Variants in CROCC2 observed in about 807,000 individuals in gnomAD.
CROCC2 encodes ciliary rootlet coiled-coil, rootletin family member 2.
In CROCC2, 163 loss-of-function variants were observed where a neutral mutation model predicts 177.6. That is an observed-to-expected ratio of 0.92 (90% confidence interval 0.81 to 1.05). The LOEUF (loss-of-function observed/expected upper bound fraction) is 1.05. Among genes scored for constraint, CROCC2 ranks in the 50% least tolerant of loss-of-function variants. The probability of loss-of-function intolerance (pLI) is 0.00; values close to 1 mark genes in which losing one functional copy is unlikely to be tolerated. For missense variants in CROCC2, 1,929 were observed against 1,797.8 expected (o/e 1.07, Z -1.32); for synonymous variants, 904 against 787.3 (o/e 1.15, Z -2.48).
rs193097516 is a variant in CROCC2 at position 240,967,855 on chromosome 2, G to A, written c.4268-274G>A. The stretch of plus-strand genomic sequence containing the variant: ...TCTCCCCGGGCAGGCCCTGCCCCTC[G>A]TCACCCCCTCAGAGAGGCCCCTTCC... On this transcript the variant is annotated intron_variant, in intron 26 of 31. Transcript: ENST00000690015. Among the ~76,000 whole-genome samples the A allele has an allele frequency of 4.0e-5, 6 of 148,156 alleles. No individual in the cohort carries two copies. The East Asian group carries it at 6.0e-4, about 15-fold the overall frequency.
intron 1 of CROCC2, among the ~76,000 whole-genome samples, chr2:240,910,528 C>T (rs539625033): frequency 6.6e-6 from 1 of 152,294 alleles, no homozygotes; most frequent in Non-Finnish European, 1.5e-5. Context: ...AACCAGCTGT[C>T]CCTCTTTGCT....
intron 27 of CROCC2, among the ~76,000 whole-genome samples, chr2:240,975,908 T>C (rs1413311420): frequency 6.6e-6 from 1 of 151,896 alleles, no homozygotes; most frequent in Non-Finnish European, 1.5e-5. Flanking sequence ...TTTTTGTATT[T>C]TTAGTAGGAC....
chr2:240,957,919 C>T (rs2059603778), intron 19 of CROCC2: 1 of 961,888 alleles, frequency 1.0e-6, no homozygotes, highest in South Asian at 4.8e-5. Flanking sequence ...CCCAGGAAAG[C>T]CCTCCTGGGG....
chr2:240,961,228 G>A (rs183537721), intron 20 of CROCC2, among the ~76,000 whole-genome samples: 36 of 152,266 alleles, frequency 2.4e-4, no homozygotes, highest in South Asian at 1.2e-3. Context: ...AGGTCCACAC[G>A]TGTGCACACA....
Position 240,918,183 on chromosome 2 carries a change from GAGA to G in CROCC2, c.79-540_79-538del, listed in dbSNP as rs1299076563. Among the ~76,000 whole-genome samples, 2 of 152,202 alleles carry G rather than the reference GAGA, an allele frequency of 1.3e-5. No homozygotes were observed. The highest frequency in any genetic ancestry group is 2.9e-5 in the Non-Finnish European group (2 of 68,026). ...TGGAGGGGCAGTGGGCAGCTGAGCA[GAGA>G]AGGATGGGTTCAGCCTCAGCCCTCT... On this transcript the variant is annotated intron_variant, in intron 1 of 31. Coordinates refer to ENST00000690015, the MANE Select transcript of CROCC2 (RefSeq NM_001351305.2). This position sits in a 1 kb window ranked among gnomAD's most constrained non-coding sequence, Gnocchi z 6.3.
chr2:240,930,421 C>T (rs889021472), intron 6 of CROCC2, among the ~76,000 whole-genome samples, 152 bp downstream of exon 6: 2 of 152,182 alleles, frequency 1.3e-5, no homozygotes, highest in African/African-American at 4.8e-5. Flanking sequence ...GGCTGGGCCT[C>T]AGGCCGGCCA....
intron 1 of CROCC2, among the ~76,000 whole-genome samples, chr2:240,906,798 C>T (rs1273528978): frequency 6.6e-6 from 1 of 152,216 alleles, no homozygotes; most frequent in Non-Finnish European, 1.5e-5. Flanking sequence ...CAGCCTTCAG[C>T]CAGGAGAGAG....
chr2:240,928,745 T>G (rs150680393), intron 5 of CROCC2, among the ~76,000 whole-genome samples: 1 of 138,286 alleles, frequency 7.2e-6, no homozygotes, highest in Admixed American at 7.1e-5. Flanking sequence ...TGCAGACAGG[T>G]GTAACGGGCT....
intron 2 of CROCC2, among the ~76,000 whole-genome samples, chr2:240,919,149 C>T (rs2059341624): frequency 7.0e-6 from 1 of 143,140 alleles, no homozygotes; most frequent in Non-Finnish European, 1.5e-5. Context: ...GGGGGACAGT[C>T]CTGGGCCTGC....
intron 5 of CROCC2, among the ~76,000 whole-genome samples, chr2:240,929,077 AGAGG>A (rs565611459): frequency 4.9e-4 from 74 of 152,130 alleles, no homozygotes; most frequent in African/African-American, 1.7e-3. Flanking sequence ...GAATGGACAC[AGAGG>A]GATGTGTTCT....
intron 1 of CROCC2, among the ~76,000 whole-genome samples, chr2:240,912,822 G>A (rs2059296809): frequency 6.6e-6 from 1 of 152,182 alleles, no homozygotes; most frequent in Non-Finnish European, 1.5e-5. Context: ...GGCTATCCAG[G>A]GGCCCTGGCC....
At chr2:240,947,596 G>A (rs528858496) in intron 15 of CROCC2, among the ~76,000 whole-genome samples, 6 of 152,366 alleles carry the variant, frequency 3.9e-5, no homozygotes, top group East Asian at 1.9e-4. Flanking sequence ...GCCAGAGAGC[G>A]TGGAAGCTGC....
At position 240,930,948 on chromosome 2, in the gene CROCC2, A is replaced by G. The variant is rs1293499694; in HGVS notation, c.767A>G (p.Gln256Arg). Residue 256 changes from glutamine to arginine, a missense_variant, in exon 7 of 32, where the codon CAG becomes CGG. Physicochemically the swap from Gln to Arg is conservative, Grantham distance 43 (BLOSUM62 1). This residue lies in a region of CROCC2 where 1,397 missense variants were observed against 1,239.9 expected (regional missense o/e 1.13). Transcript: ENST00000690015. ...TCTCCCAGGGGCCTCGCTGACCTGC[A>G]GGCAGACACGGCCAGGACAGCCCGC... The part of the protein sequence containing the change: ...VATERGLADL[Q>R]ADTARTARRL... 1.4e-6 allele frequency: 1 copy of G among 713,522 alleles called. No individual in the cohort carries two copies. The highest frequency in any genetic ancestry group is 2.6e-6 in the Non-Finnish European group (1 of 383,660). 44.2% of individuals were successfully genotyped at this position (713,522 alleles called of 1,614,324 possible).
At chr2:240,961,320 G>A (rs1468878473) in intron 20 of CROCC2, among the ~76,000 whole-genome samples, 1 of 152,088 alleles carries the variant, frequency 6.6e-6, no homozygotes, top group African/African-American at 2.4e-5. Context: ...CATGCTGAAT[G>A]CAGACACACA....
chr2:240,958,514 T>C lies in CROCC2; in HGVS notation c.2944-787T>C, dbSNP rs2059608140. On this transcript the variant is annotated intron_variant, in intron 19 of 31. Coordinates refer to ENST00000690015, the MANE Select transcript of CROCC2 (RefSeq NM_001351305.2). This position sits in a 1 kb window ranked among gnomAD's most constrained non-coding sequence, Gnocchi z 6.7. Reference sequence around the variant, plus strand: ...CAGAGATCTGGCACAGGGGCAGCCATGTGGGCACCTGTGCCCCCAGGAACA... The same window carrying C: ...CAGAGATCTGGCACAGGGGCAGCCACGTGGGCACCTGTGCCCCCAGGAACA... The C allele has an allele frequency of 2.1e-6, 2 of 970,190 alleles. No homozygotes were observed. Among genetic ancestry groups the C allele is most frequent in the African/African-American group, 1.8e-5 (1 of 56,966 alleles). 60.1% of individuals were successfully genotyped at this position (970,190 alleles called of 1,614,324 possible). A position where few individuals can be genotyped will look rare whatever the true frequency, so the allele number is the denominator to read the frequency against.
rs779673405 is a variant in CROCC2 at position 240,968,173 on chromosome 2, C to A, written c.4312C>A (p.Arg1438Ser). The change falls in exon 27 of 32, where the codon CGT becomes AGT. Residue 1438 changes from arginine (R) to serine (S), a missense_variant. Physicochemically the swap from Arg to Ser is moderately radical, Grantham distance 110. Transcript: ENST00000690015. ...EGALSSARAARALQKEALRRL... is the reference protein window; with the variant it reads ...EGALSSARAASALQKEALRRL... ...CGCGCTGAGCAGCGCCCGGGCAGCA[C>A]GTGCCCTGCAGAAGGAGGCGCTCCG... 3 of 1,530,214 alleles carry A rather than the reference C, an allele frequency of 2.0e-6. No homozygotes were observed. The highest frequency in any genetic ancestry group is 2.7e-5 in the African/African-American group (2 of 72,834). 94.8% of individuals were successfully genotyped at this position (1,530,214 alleles called of 1,614,324 possible). A position where few individuals can be genotyped will look rare whatever the true frequency, so the allele number is the denominator to read the frequency against.
Position 240,955,924 on chromosome 2 carries a change from G to C in CROCC2, c.2895G>C (p.Thr965=), listed in dbSNP as rs1295313979. ...LSEELSRARR[T]LERVQQEAQS... Reference sequence around the variant, plus strand: ...AGGAGCTCTCCAGGGCCAGGAGGACGCTAGAGCGGGTACAGCAGGAGGCAC... The same window carrying C: ...AGGAGCTCTCCAGGGCCAGGAGGACCCTAGAGCGGGTACAGCAGGAGGCAC... Residue 965 remains threonine (T), a synonymous_variant, in exon 19 of 32, where the codon ACG becomes ACC. Transcript: ENST00000690015. 6 of 1,534,908 alleles carry C rather than the reference G, an allele frequency of 3.9e-6. No homozygotes were observed. In the East Asian group the frequency reaches 1.2e-4, roughly 31 times the overall value.
Position 240,919,894 on chromosome 2 carries a change from G to T in CROCC2, c.230-89G>T, listed in dbSNP as rs1007410972. ...TCCAGCAGCTGGAGCCTGGTGGCCA[G>T]CCCAGGGTCCCACCGTGGAGACAGG... On this transcript the variant is annotated intron_variant, in intron 2 of 31. Coordinates refer to ENST00000690015, the MANE Select transcript of CROCC2 (RefSeq NM_001351305.2). 1.8e-5 allele frequency: 10 copies of T among 557,380 alleles called. No homozygotes were observed. In the Admixed American group the frequency reaches 2.3e-4, roughly 13 times the overall value. The allele number at this position is 557,380 out of a possible 1,614,324, so 34.5% of individuals were successfully genotyped here.
In CROCC2 at chr2:240,968,253, G is replaced by A. The variant is rs1041013011; in HGVS notation, c.4392G>A (p.Arg1464=). 1 of 1,529,552 alleles carries A rather than the reference G, an allele frequency of 6.5e-7. No homozygotes were observed. Among genetic ancestry groups the A allele is most frequent in the Non-Finnish European group, 8.7e-7 (1 of 1,143,888 alleles). The allele number at this position is 1,529,552 out of a possible 1,614,324, so 94.7% of individuals were successfully genotyped here. ...ASVRAAGQEK[R]RLQEQLETLR... ...TGCGTGCGGCAGGCCAGGAGAAGCGGCGGCTGCAGGTGGGGCAGGCGGCAG... is the reference window on the plus strand; with the variant it reads ...TGCGTGCGGCAGGCCAGGAGAAGCGACGGCTGCAGGTGGGGCAGGCGGCAG... The change falls in exon 27 of 32, where the codon CGG becomes CGA. Residue 1464 remains arginine, a synonymous_variant. Transcript: ENST00000690015.
Sources: allele counts gnomAD v4.1 joint callset (sites outside exome capture counted in the v4.1 genomes callset), GRCh38; gene constraint gnomAD v4.1.1; regional missense constraint gnomAD v4.1.1; non-coding constraint Gnocchi (gnomAD v3.1); transcripts MANE v1.5; gene names NCBI Gene and HGNC (gene_info 2026-07-23, HGNC 2026-07-21).